TMT1B: variants seen among roughly 807,000 people sequenced by gnomAD.
The protein encoded by TMT1B is thiol S-methyltransferase TMT1B.
At chr12:55,683,998 C>A in the TMT1B span, 2 of 1,613,890 alleles carry the variant, frequency 1.2e-6, no homozygotes, top group Non-Finnish European at 1.7e-6. Flanking sequence ...AGCCCCCTCC[C>A]TTGAAGTGGC....
At chr12:55,682,835 G>A in the TMT1B span, among the ~76,000 whole-genome samples, 1 of 151,506 alleles carries the variant, frequency 6.6e-6, no homozygotes, top group African/African-American at 2.4e-5. Context: ...AGATCTGAGG[G>A]ATTAAGCAGA....
chr12:55,683,795 C>T, the TMT1B span: 2 of 1,612,048 alleles, frequency 1.2e-6, no homozygotes, highest in Admixed American at 3.3e-5. Context: ...GTGACACTAA[C>T]TCTCTCATCC....
chr12:55,682,228 GGAGGTCCGGAGA>G, the TMT1B span: 1 of 1,613,734 alleles, frequency 6.2e-7, no homozygotes, highest in Middle Eastern at 1.7e-4. Context: ...AGGTCCTGCA[GGAGGTCCGGAGA>G]GTACTGAGAC....
chr12:55,683,543 TCTCA>T, the TMT1B span, among the ~76,000 whole-genome samples: 1 of 152,116 alleles, frequency 6.6e-6, no homozygotes, highest in East Asian at 1.9e-4. Flanking sequence ...CACTCCTGTT[TCTCA>T]GTTTCCCCTT....
the TMT1B span, chr12:55,682,126 G>A: frequency 6.2e-7 from 1 of 1,614,146 alleles, no homozygotes; most frequent in Non-Finnish European, 8.5e-7. Flanking sequence ...GGTTTGTGGT[G>A]GCTCCTGGAG....
At chr12:55,683,936 A>G in the TMT1B span, 3 of 1,613,982 alleles carry the variant, frequency 1.9e-6, no homozygotes, top group Non-Finnish European at 2.5e-6. Context: ...CACCAGAGAG[A>G]CCTGGAAGGA....
the TMT1B span, chr12:55,682,288 G>GCAAA: frequency 1.5e-5 from 24 of 1,583,542 alleles, no homozygotes; most frequent in Non-Finnish European, 1.7e-5. Context: ...TGTGGGGCAG[G>GCAAA]CAAACGCAGC....
At chr12:55,683,510 T>C in the TMT1B span, among the ~76,000 whole-genome samples, 1 of 151,918 alleles carries the variant, frequency 6.6e-6, no homozygotes, top group African/African-American at 2.4e-5. Flanking sequence ...ATAATAATAA[T>C]AATAATAATA....
chr12:55,684,120 C>G, the TMT1B span: 17 of 1,409,446 alleles, frequency 1.2e-5, no homozygotes, highest in South Asian at 1.9e-4. Flanking sequence ...ACCCACCAGC[C>G]TATCTATCTT....
chr12:55,682,700 C>A, the TMT1B span, among the ~76,000 whole-genome samples: 2 of 151,370 alleles, frequency 1.3e-5, no homozygotes, highest in African/African-American at 4.9e-5. Context: ...GTGGGAGGAT[C>A]ACTTGAGCCC....
the TMT1B span, chr12:55,683,760 G>A: frequency 6.4e-7 from 1 of 1,554,720 alleles, no homozygotes; most frequent in African/African-American, 1.4e-5. Flanking sequence ...CAGCGCGATA[G>A]GGAGCAGGGT....
chr12:55,682,252 G>C, the TMT1B span: 1 of 1,606,870 alleles, frequency 6.2e-7, no homozygotes, highest in African/African-American at 1.3e-5. Context: ...TACTGAGACC[G>C]GTAAGCAGGG....
chr12:55,681,836 T>A, the TMT1B span: 2 of 1,568,250 alleles, frequency 1.3e-6, no homozygotes, highest in Admixed American at 3.8e-5. Flanking sequence ...GCTGGGCTGC[T>A]GGCAGCCCCT....
chr12:55,683,776 T>C, the TMT1B span: 2 of 1,599,136 alleles, frequency 1.3e-6, no homozygotes, highest in African/African-American at 2.7e-5. Flanking sequence ...AGGGTCAGAA[T>C]GGAGCCAAGT....
the TMT1B span, chr12:55,681,762 T>A: frequency 6.5e-7 from 1 of 1,549,956 alleles, no homozygotes. Flanking sequence ...GCCATGGACA[T>A]CCTGGTCCCA....
At chr12:55,682,206 A>G in the TMT1B span, 3 of 1,613,934 alleles carry the variant, frequency 1.9e-6, no homozygotes, top group South Asian at 3.3e-5. Flanking sequence ...TGCTCTGTGC[A>G]GAGCCCAAGG....
At chr12:55,683,170 TTTGTGAGAGAGG>T in the TMT1B span, among the ~76,000 whole-genome samples, 1 of 152,108 alleles carries the variant, frequency 6.6e-6, no homozygotes, top group Non-Finnish European at 1.5e-5. Context: ...GCATCTGGGT[TTTGTGAGAGAGG>T]TTGTGCGTGT....
At chr12:55,683,498 AAAT>A in the TMT1B span, among the ~76,000 whole-genome samples, 5 of 151,806 alleles carry the variant, frequency 3.3e-5, no homozygotes, top group African/African-American at 9.7e-5. Context: ...CTGTCTCAAA[AAAT>A]AATAATAATA....
the TMT1B span, chr12:55,683,956 C>T: frequency 0.047 from 76,416 of 1,614,014 alleles, 2,049 homozygotes; most frequent in Middle Eastern, 0.076. Context: ...ATCTTGAGAA[C>T]GCCCAGTTCT....
Sources: gnomAD v4.1 joint callset for allele counts (sites outside exome capture counted in the v4.1 genomes callset) on GRCh38, gnomAD v4.1.1 for gene constraint, MANE v1.5 for transcripts, NCBI Gene and HGNC (gene_info 2026-07-23, HGNC 2026-07-21) for gene names.